The following RAPGEF6 variants were observed in gnomAD, a reference collection of about 807,000 sequenced individuals.
RAPGEF6 encodes the protein PDZ domain containing guanine nucleotide exchange factor (GEF) 2.
A neutral mutation model predicts 171.4 loss-of-function variants in RAPGEF6; 56 were observed. The observed-to-expected ratio is 0.33, with a 90% CI of 0.26 to 0.41. The LOEUF (loss-of-function observed/expected upper bound fraction) is 0.41. Ranked by LOEUF, RAPGEF6 falls within the 10% of genes least tolerant of loss-of-function variation. The pLI is 1.00. For synonymous variants in RAPGEF6, 692 were observed against 650.1 expected (o/e 1.06, Z -0.98); for missense variants, 1,674 against 1,921.4 (o/e 0.87, Z 2.41).
In RAPGEF6 at chr5:131,455,263, T is replaced by G. The variant is rs1258274325; in HGVS notation, c.3076+538A>C. On this transcript the variant is annotated intron_variant, in intron 20 of 27. Coordinates refer to ENST00000509018, the MANE Select transcript of RAPGEF6 (RefSeq NM_016340.6). Reference sequence around the variant, plus strand: ...AAATCAGGAGATGAGCAAATGGAATTGTTTTTTATTTTTGAGACAGAGTCT... The same window carrying G: ...AAATCAGGAGATGAGCAAATGGAATGGTTTTTTATTTTTGAGACAGAGTCT... Among the ~76,000 whole-genome samples the G allele has an allele frequency of 2.6e-5, 4 of 152,182 alleles. No homozygotes were observed. In the East Asian group the frequency reaches 7.7e-4, roughly 29 times the overall value.
chr5:131,610,364 C>G (rs1764864454), intron 1 of RAPGEF6, among the ~76,000 whole-genome samples: 1 of 151,098 alleles, frequency 6.6e-6, no homozygotes, highest in African/African-American at 2.4e-5. Context: ...CTTTAAACAC[C>G]AGGGCCCAAG....
In RAPGEF6 at chr5:131,462,003, T is replaced by A; in HGVS notation, c.2566A>T (p.Met856Leu). The A allele has an allele frequency of 6.2e-7, 1 of 1,613,998 alleles. No homozygotes were observed. The highest frequency in any genetic ancestry group is 8.5e-7 in the Non-Finnish European group (1 of 1,179,930). ...QELVKESQLS[M>L]LQLSTIEVAT... ...ACCTCAATGGTACTGAGCTGCAGCA[T>A]GGATAGCTGGCTTTCCTTAACTAGT... The change falls in exon 19 of 28, where the codon ATG becomes TTG. Residue 856 changes from methionine (M) to leucine (L), a missense_variant. This residue lies in a region of RAPGEF6 where 1,116 missense variants were observed against 1,321.5 expected (regional missense o/e 0.84). Transcript: ENST00000509018.
intron 5 of RAPGEF6, among the ~76,000 whole-genome samples, chr5:131,561,005 C>T (rs1391536926): frequency 2.0e-5 from 3 of 152,154 alleles, no homozygotes; most frequent in Admixed American, 1.3e-4. Context: ...ACATGGTCAT[C>T]TACATGAGAT....
chr5:131,433,744 C>T, intron 24 of RAPGEF6, 86 bp from the exon 25 acceptor site: 2 of 1,011,798 alleles, frequency 2.0e-6, no homozygotes, highest in Non-Finnish European at 2.9e-6. Flanking sequence ...AAAAAAAAAC[C>T]CCACAAAAAT....
At chr5:131,605,173 A>G (rs981718658) in intron 1 of RAPGEF6, among the ~76,000 whole-genome samples, 2 of 152,218 alleles carry the variant, frequency 1.3e-5, no homozygotes, top group Non-Finnish European at 2.9e-5. Flanking sequence ...CCAATGGTAC[A>G]ATCCTATTGT....
At chr5:131,480,812 C>T (rs901803945) in intron 15 of RAPGEF6, among the ~76,000 whole-genome samples, 7 of 151,382 alleles carry the variant, frequency 4.6e-5, no homozygotes, top group Non-Finnish European at 1.0e-4. Flanking sequence ...TAATATATAT[C>T]GATTCCTCAC....
chr5:131,527,547 A>AATGT (rs1455040318), intron 6 of RAPGEF6, among the ~76,000 whole-genome samples: 1 of 152,144 alleles, frequency 6.6e-6, no homozygotes, highest in Admixed American at 6.5e-5. Flanking sequence ...CTACATTTAA[A>AATGT]ATGTATATAC....
intron 5 of RAPGEF6, among the ~76,000 whole-genome samples, chr5:131,548,487 C>G (rs1760698761): frequency 6.6e-6 from 1 of 152,222 alleles, no homozygotes; most frequent in Non-Finnish European, 1.5e-5. Flanking sequence ...CCTACACATT[C>G]AATAATTACA....
At chr5:131,509,500 G>A (rs545491183) in intron 8 of RAPGEF6, among the ~76,000 whole-genome samples, 12 of 151,482 alleles carry the variant, frequency 7.9e-5, no homozygotes, top group East Asian at 5.8e-4. Flanking sequence ...CCAAGATTGC[G>A]CCACTGCACT....
intron 4 of RAPGEF6, among the ~76,000 whole-genome samples, chr5:131,571,803 A>T (rs532731022): frequency 6.6e-6 from 1 of 152,322 alleles, no homozygotes; most frequent in East Asian, 1.9e-4. Flanking sequence ...CATACTGGTA[A>T]GTCCTCTGAG....
At chr5:131,621,757 A>G (rs982422825) in intron 1 of RAPGEF6, among the ~76,000 whole-genome samples, 1 of 152,074 alleles carries the variant, frequency 6.6e-6, no homozygotes, top group Non-Finnish European at 1.5e-5. Flanking sequence ...TTATTTTCCA[A>G]TCTCGGTTGG....
intron 24 of RAPGEF6, chr5:131,436,390 A>G: frequency 6.5e-7 from 1 of 1,534,184 alleles, no homozygotes; most frequent in South Asian, 1.2e-5. Context: ...AACTGGAGGG[A>G]GAGATGCAAA....
rs117344396 is a variant in RAPGEF6, at chr5:131,496,838, G to A, written c.1420-1178C>T. On this transcript the variant is annotated intron_variant, in intron 12 of 27. Coordinates refer to ENST00000509018, the MANE Select transcript of RAPGEF6 (RefSeq NM_016340.6). ...ACGTCAAGTTTTCGTTTGCACACCT[G>A]TTTTTAATTCTCTGGGTATTTACCT... 3.3e-5 allele frequency among the ~76,000 whole-genome samples: 5 copies of A among 152,320 alleles called. No individual in the cohort carries two copies. The East Asian group carries it at 7.7e-4, about 23-fold the overall frequency.
At chr5:131,503,301 G>A (rs964810651) in intron 11 of RAPGEF6, among the ~76,000 whole-genome samples, 13 of 150,674 alleles carry the variant, frequency 8.6e-5, no homozygotes, top group Admixed American at 3.3e-4. Flanking sequence ...AACAGTTGAG[G>A]AATCAGTGAC....
intron 5 of RAPGEF6, among the ~76,000 whole-genome samples, chr5:131,553,369 C>T (rs1761037928): frequency 6.6e-6 from 1 of 152,100 alleles, no homozygotes; most frequent in African/African-American, 2.4e-5. Flanking sequence ...TAACCTAATG[C>T]CCAACATTAA....
chr5:131,579,050 C>G (rs1490528768), intron 4 of RAPGEF6, among the ~76,000 whole-genome samples: 3 of 152,132 alleles, frequency 2.0e-5, no homozygotes, highest in Non-Finnish European at 4.4e-5. Flanking sequence ...GATGTTCGGA[C>G]GTGTTTGGAG....
At chr5:131,537,062 A>G (rs1759823382) in intron 6 of RAPGEF6, among the ~76,000 whole-genome samples, 1 of 152,214 alleles carries the variant, frequency 6.6e-6, no homozygotes, top group South Asian at 2.1e-4. Flanking sequence ...ACGTTAGGTC[A>G]GCATTAATTT....
At chr5:131,508,748 G>A (rs1043711787) in intron 8 of RAPGEF6, among the ~76,000 whole-genome samples, 2 of 152,136 alleles carry the variant, frequency 1.3e-5, no homozygotes, top group Non-Finnish European at 2.9e-5. Flanking sequence ...TATGTGTAAG[G>A]AAGGTATAAA....
At chr5:131,550,250 T>C (rs910194782) in intron 5 of RAPGEF6, among the ~76,000 whole-genome samples, 3 of 152,160 alleles carry the variant, frequency 2.0e-5, no homozygotes, top group African/African-American at 4.8e-5. Flanking sequence ...ACAAATCACC[T>C]AGATAATCAC....
Sources: gnomAD v4.1 joint callset for allele counts (sites outside exome capture counted in the v4.1 genomes callset) on GRCh38, gnomAD v4.1.1 for gene constraint, gnomAD v4.1.1 regional missense constraint, MANE v1.5 for transcripts, NCBI Gene and HGNC (gene_info 2026-07-23, HGNC 2026-07-21) for gene names.